The following CDC14B variants were observed in gnomAD, a reference collection of about 807,000 sequenced individuals.
The protein encoded by CDC14B is cell division cycle 14B.
CDC14B carries 22 observed loss-of-function variants against 64.2 expected under a neutral mutation model. That is an observed-to-expected ratio of 0.34 (90% confidence interval 0.24 to 0.49). The LOEUF is 0.49. Ranked by LOEUF, CDC14B falls within the 20% of genes least tolerant of loss-of-function variation. CDC14B has a pLI of 0.99. For missense variants in CDC14B, 498 were observed against 629.9 expected (o/e 0.79, Z 2.24); for synonymous variants, 191 against 215.8 (o/e 0.89, Z 1.01).
chr9:96,527,008 T>C (rs1457585460), intron 9 of CDC14B, among the ~76,000 whole-genome samples: 1 of 152,246 alleles, frequency 6.6e-6, no homozygotes, highest in Non-Finnish European at 1.5e-5. Context: ...GAGTAAAATA[T>C]ACATAAAATT....
At chr9:96,588,144 G>T (rs1298330546) in intron 1 of CDC14B, among the ~76,000 whole-genome samples, 1 of 152,120 alleles carries the variant, frequency 6.6e-6, no homozygotes, top group Non-Finnish European at 1.5e-5. Context: ...TCCAGGGGAG[G>T]GGGCAGGAAG....
intron 1 of CDC14B, among the ~76,000 whole-genome samples, chr9:96,595,412 T>C (rs1000634622): frequency 3.9e-5 from 6 of 152,110 alleles, no homozygotes; most frequent in Admixed American, 6.5e-5. Flanking sequence ...AGAACTGACA[T>C]ACAGTTGGAG....
intron 1 of CDC14B, among the ~76,000 whole-genome samples, chr9:96,581,492 T>TAATTA (rs57208687): frequency 1.5e-4 from 22 of 150,736 alleles, no homozygotes; most frequent in African/African-American, 5.4e-4. Context: ...TTAATTAAAT[T>TAATTA]AATTAAATTT....
chr9:96,496,300 A>G (rs761028179), downstream of CDC14B: 1 of 514,486 alleles, frequency 1.9e-6, no homozygotes, highest in South Asian at 1.4e-5. Flanking sequence ...GTCCTTGTGG[A>G]TCCCGAGCCA....
At chr9:96,578,197 A>C (rs995580629) in intron 1 of CDC14B, among the ~76,000 whole-genome samples, 1 of 152,248 alleles carries the variant, frequency 6.6e-6, no homozygotes, top group African/African-American at 2.4e-5. Flanking sequence ...CCAAAGTGTA[A>C]AGTAATATGC....
chr9:96,574,887 G>C (rs566385432), intron 1 of CDC14B, among the ~76,000 whole-genome samples: 1 of 152,092 alleles, frequency 6.6e-6, no homozygotes. Flanking sequence ...CAATAAATAC[G>C]TGAGCACAGA....
At chr9:96,523,534 A>G in intron 10 of CDC14B, 53 bp downstream of exon 10, 1 of 1,609,620 alleles carries the variant, frequency 6.2e-7, no homozygotes, top group Non-Finnish European at 8.5e-7. Flanking sequence ...ACTCCCCATC[A>G]GATTCCAACC....
chr9:96,606,332 C>CAAAAAAAAAAA (rs772460843), intron 1 of CDC14B, among the ~76,000 whole-genome samples: 1 of 21,054 alleles, frequency 4.7e-5, no homozygotes, highest in African/African-American at 1.1e-4. Flanking sequence ...GACTCCATCT[C>CAAAAAAAAAAA]AAAAAAAAAA....
intron 1 of CDC14B, among the ~76,000 whole-genome samples, chr9:96,579,389 C>T (rs138518674): frequency 2.0e-5 from 3 of 151,682 alleles, no homozygotes; most frequent in Admixed American, 2.0e-4. Context: ...AGATTAAGAC[C>T]ATCCTGGCTA....
intron 5 of CDC14B, 128 bp from the exon 6 acceptor site, chr9:96,542,020 GC>G (rs972598690): frequency 3.9e-6 from 2 of 518,066 alleles, no homozygotes; most frequent in Non-Finnish European, 6.7e-6. Flanking sequence ...AAAAAATCTC[GC>G]CTTTTGACTT....
chr9:96,610,175 C>T (rs993014510), intron 1 of CDC14B, among the ~76,000 whole-genome samples: 4 of 152,100 alleles, frequency 2.6e-5, no homozygotes, highest in Admixed American at 6.6e-5. Context: ...TGAAAGTCAA[C>T]GTGAATAAGA....
chr9:96,597,800 T>G (rs1456381443), intron 1 of CDC14B, among the ~76,000 whole-genome samples: 1 of 152,228 alleles, frequency 6.6e-6, no homozygotes, highest in Non-Finnish European at 1.5e-5. Flanking sequence ...AAGAGTTTAC[T>G]GTCCTCATTT....
At chr9:96,513,054 C>T (rs1835133802) in intron 12 of CDC14B, among the ~76,000 whole-genome samples, 1 of 152,172 alleles carries the variant, frequency 6.6e-6, no homozygotes, top group African/African-American at 2.4e-5. Context: ...GACACTACTG[C>T]TAAATCCTGT....
At chr9:96,582,197 A>G (rs1475296382) in intron 1 of CDC14B, among the ~76,000 whole-genome samples, 1 of 152,238 alleles carries the variant, frequency 6.6e-6, no homozygotes, top group African/African-American at 2.4e-5. Context: ...TCCCCGTCCA[A>G]TTAGGAATAA....
intron 1 of CDC14B, among the ~76,000 whole-genome samples, chr9:96,600,845 T>C (rs551825557): frequency 6.6e-6 from 1 of 152,206 alleles, no homozygotes; most frequent in African/African-American, 2.4e-5. Context: ...CAGCAATCCA[T>C]GGCTTGGCTA....
chr9:96,605,416 G>A (rs955002330), intron 1 of CDC14B, among the ~76,000 whole-genome samples: 6 of 152,082 alleles, frequency 3.9e-5, no homozygotes, highest in East Asian at 1.9e-4. Flanking sequence ...AATATCCCAC[G>A]CCCTCAACCC....
At chr9:96,538,083 C>G (rs929185443) in intron 7 of CDC14B, among the ~76,000 whole-genome samples, 1 of 152,072 alleles carries the variant, frequency 6.6e-6, no homozygotes, top group African/African-American at 2.4e-5. Context: ...CAGAAGTGTC[C>G]TGACAAACCG....
intron 4 of CDC14B, among the ~76,000 whole-genome samples, chr9:96,557,923 A>G (rs1842691795): frequency 6.6e-6 from 1 of 152,210 alleles, no homozygotes; most frequent in Non-Finnish European, 1.5e-5. Flanking sequence ...TTATACACAG[A>G]AAGATGTTAG....
At chr9:96,588,648 G>A (rs1330262056) in intron 1 of CDC14B, among the ~76,000 whole-genome samples, 15 of 152,072 alleles carry the variant, frequency 9.9e-5, no homozygotes. Context: ...CACCATACCT[G>A]GCTAAGTTTT....
Sources: gnomAD v4.1 joint callset for allele counts (sites outside exome capture counted in the v4.1 genomes callset) on GRCh38, gnomAD v4.1.1 for gene constraint, MANE v1.5 for transcripts, NCBI Gene and HGNC (gene_info 2026-07-23, HGNC 2026-07-21) for gene names.